Variants in EYS observed in about 807,000 individuals in gnomAD.
The protein encoded by EYS is protein eyes shut homolog.
Under a neutral mutation model 282.1 loss-of-function variants are expected in EYS, and 250 were observed. That is an observed-to-expected ratio of 0.89 (90% CI 0.80 to 0.98). The LOEUF (loss-of-function observed/expected upper bound fraction) is 0.98. EYS is among the 50% of genes least tolerant of loss of function. The probability of loss-of-function intolerance (pLI) is 0.00; values close to 1 mark genes in which losing one functional copy is unlikely to be tolerated. For missense variants in EYS, 4,016 were observed against 3,709.0 expected (o/e 1.08, Z -2.15); for synonymous variants, 1,355 against 1,282.9 (o/e 1.06, Z -1.20).
At chr6:65,010,157 T>TGTGTCCGG (rs2150132714) in intron 13 of EYS, among the ~76,000 whole-genome samples, 1 of 152,304 alleles carries the variant, frequency 6.6e-6, no homozygotes, top group South Asian at 2.1e-4. Context: ...TAGGAGTCCT[T>TGTGTCCGG]ACACAGGTCC....
chr6:64,452,815 G>T lies in EYS; in HGVS notation c.5645-13463C>A, dbSNP rs546722580. ...AAAACTGGCTAGCCATATGTAGAAA[G>T]CTGAAACTGGATCCCTTCCTTATAC... On this transcript the variant is annotated intron_variant, in intron 26 of 42. Coordinates refer to ENST00000503581, the MANE Select transcript of EYS (RefSeq NM_001142800.2). Among the ~76,000 whole-genome samples, 46 of 152,232 alleles carry T rather than the reference G, an allele frequency of 3.0e-4. No homozygotes were observed. The South Asian group carries it at 7.1e-3, about 23-fold the overall frequency.
At chr6:65,581,788 T>TA (rs201749485) in intron 2 of EYS, among the ~76,000 whole-genome samples, 2,117 of 152,030 alleles carry the variant, frequency 0.014, 34 homozygotes, top group African/African-American at 0.034. Context: ...TCTGTAAAAA[T>TA]AAAAAAATTA....
chr6:65,219,255 A>G (rs1335521047), intron 12 of EYS, among the ~76,000 whole-genome samples: 3 of 152,196 alleles, frequency 2.0e-5, no homozygotes, highest in Non-Finnish European at 2.9e-5. Context: ...TACAGGAAAC[A>G]TGGTTCATGC....
At chr6:64,795,261 T>G (rs1366583324) in intron 22 of EYS, among the ~76,000 whole-genome samples, 2 of 151,626 alleles carry the variant, frequency 1.3e-5, no homozygotes, top group Non-Finnish European at 2.9e-5. Context: ...AAGTAGACAT[T>G]GCCTTTTATT....
rs114195663 is a variant in EYS at position 65,581,461 on chromosome 6, G to C, written c.-333+58317C>G. Reference sequence around the variant, plus strand: ...TAATGGCCAGAATTATTCTTAGTAGGCCTCAGGAATGGTCAAAGTAAAATT... The same window carrying C: ...TAATGGCCAGAATTATTCTTAGTAGCCCTCAGGAATGGTCAAAGTAAAATT... On this transcript the variant is annotated intron_variant, in intron 2 of 42. Coordinates refer to ENST00000503581, the MANE Select transcript of EYS (RefSeq NM_001142800.2). 3.9e-5 allele frequency among the ~76,000 whole-genome samples: 6 copies of C among 152,032 alleles called. No homozygotes were observed. The South Asian group carries it at 6.2e-4, about 16-fold the overall frequency.
At chr6:63,726,788 C>G in intron 41 of EYS, 108 bp from the exon 42 acceptor site, 2 of 1,033,222 alleles carry the variant, frequency 1.9e-6, no homozygotes, top group African/African-American at 3.3e-5. Flanking sequence ...CAGGATTTAT[C>G]GCCCAAGAGT....
At chr6:64,033,222 T>G (rs1191830917) in intron 33 of EYS, among the ~76,000 whole-genome samples, 1 of 152,236 alleles carries the variant, frequency 6.6e-6, no homozygotes. Context: ...TGTTGTTGTT[T>G]CTACTTCTCA....
intron 41 of EYS, among the ~76,000 whole-genome samples, chr6:63,759,289 A>C (rs1005166984): frequency 6.6e-6 from 1 of 152,068 alleles, no homozygotes; most frequent in African/African-American, 2.4e-5. Flanking sequence ...CTTTTCACAC[A>C]TGAGAAACCT....
intron 2 of EYS, among the ~76,000 whole-genome samples, chr6:65,522,789 C>CA (rs2127299809): frequency 6.6e-6 from 1 of 152,212 alleles, no homozygotes. Context: ...AGCTGTGCTA[C>CA]AAAATCTAAT....
intron 10 of EYS, among the ~76,000 whole-genome samples, chr6:65,338,639 A>G (rs992202912): frequency 6.6e-6 from 1 of 150,968 alleles, no homozygotes; most frequent in African/African-American, 2.4e-5. Context: ...AATACACACA[A>G]ATTAAATTAG....
chr6:65,538,533 C>T (rs1364389428), intron 2 of EYS, among the ~76,000 whole-genome samples: 1 of 152,076 alleles, frequency 6.6e-6, no homozygotes, highest in Admixed American at 6.6e-5. Context: ...CTTCCAGGTT[C>T]ACCTTCCTAA....
At chr6:64,723,786 G>C (rs1364950103) in intron 22 of EYS, among the ~76,000 whole-genome samples, 2 of 152,256 alleles carry the variant, frequency 1.3e-5, no homozygotes, top group South Asian at 2.1e-4. Flanking sequence ...GTAGGTGATC[G>C]TTTGTGGATC....
chr6:64,895,024 G>C (rs2146760), intron 18 of EYS, among the ~76,000 whole-genome samples: 126,187 of 152,038 alleles, frequency 0.83, 52,370 homozygotes, highest in East Asian at 0.85. Context: ...AGATTTTAAA[G>C]TGACAGCAAT....
At chr6:65,613,168 A>G (rs1420171144) in intron 2 of EYS, among the ~76,000 whole-genome samples, 1 of 151,944 alleles carries the variant, frequency 6.6e-6, no homozygotes, top group African/African-American at 2.4e-5. Flanking sequence ...TCTTATGAAT[A>G]TAACAGTACA....
chr6:65,328,622 T>A (rs114100447), intron 11 of EYS, among the ~76,000 whole-genome samples: 1 of 151,050 alleles, frequency 6.6e-6, no homozygotes. Flanking sequence ...CTGTATTAAA[T>A]ATATAAATTT....
intron 31 of EYS, among the ~76,000 whole-genome samples, chr6:64,153,664 G>A (rs1774817944): frequency 6.6e-6 from 1 of 152,046 alleles, no homozygotes; most frequent in African/African-American, 2.4e-5. Context: ...AAGAGCTGGT[G>A]ATGATGTGGA....
At chr6:64,341,070 T>TG (rs1190395728) in intron 29 of EYS, among the ~76,000 whole-genome samples, 1 of 151,768 alleles carries the variant, frequency 6.6e-6, no homozygotes, top group East Asian at 1.9e-4. Flanking sequence ...CAACACATGC[T>TG]GGCAAGACTG....
intron 26 of EYS, among the ~76,000 whole-genome samples, chr6:64,551,197 T>C (rs1295049938): frequency 6.7e-6 from 1 of 149,224 alleles, no homozygotes; most frequent in African/African-American, 2.5e-5. Flanking sequence ...TATACATATA[T>C]ACACACATAT....
At chr6:64,301,296 G>A (rs1376485955) in intron 30 of EYS, among the ~76,000 whole-genome samples, 3 of 152,140 alleles carry the variant, frequency 2.0e-5, no homozygotes, top group African/African-American at 7.2e-5. Context: ...CTATCTTAAA[G>A]GGCAATTGAG....
Sources: gnomAD v4.1 joint callset for allele counts (sites outside exome capture counted in the v4.1 genomes callset) on GRCh38, gnomAD v4.1.1 for gene constraint, MANE v1.5 for transcripts, NCBI Gene and HGNC (gene_info 2026-07-23, HGNC 2026-07-21) for gene names.